Variants in RPTOR observed in about 807,000 individuals in gnomAD.
The protein encoded by RPTOR is regulatory associated protein of MTOR complex 1, also known as regulatory-associated protein of mTOR.
In RPTOR, 21 loss-of-function variants were observed where a neutral mutation model predicts 169.9. That is an observed-to-expected ratio of 0.12 (90% CI 0.09 to 0.18). The LOEUF is 0.18. RPTOR is among the 10% of genes least tolerant of loss of function. RPTOR has a pLI of 1.00. For synonymous variants in RPTOR, 732 were observed against 753.2 expected (o/e 0.97, Z 0.46); for missense variants, 1,133 against 1,855.9 (o/e 0.61, Z 7.16).
At position 80,668,186 on chromosome 17, in the gene RPTOR, G is replaced by C. The variant is rs989504963; in HGVS notation, c.348+24376G>C. On this transcript the variant is annotated intron_variant, in intron 3 of 33. Transcript: ENST00000306801. ...GGAGAGGCAGGTTGGGCCTCCACTA[G>C]ACAAAGTTTATCCTAGTGAGTTCTT... Among the ~76,000 whole-genome samples, 10 of 152,172 alleles carry C rather than the reference G, an allele frequency of 6.6e-5. No individual in the cohort carries two copies. The East Asian group carries it at 1.9e-3, about 29-fold the overall frequency.
At chr17:80,916,587 T>G (rs1462047542) in intron 21 of RPTOR, among the ~76,000 whole-genome samples, 3 of 152,102 alleles carry the variant, frequency 2.0e-5, no homozygotes, top group Non-Finnish European at 2.9e-5. Context: ...TGGGTCCAAG[T>G]AAAAACTCGG....
chr17:80,795,282 T>C (rs1326507011), intron 7 of RPTOR, among the ~76,000 whole-genome samples: 1 of 152,168 alleles, frequency 6.6e-6, no homozygotes, highest in Non-Finnish European at 1.5e-5. Flanking sequence ...TAAAATGGGA[T>C]TGAGTGAGGA....
chr17:80,805,460 T>G (rs2143553402), intron 7 of RPTOR: 1 of 152,342 alleles, frequency 6.6e-6, no homozygotes, highest in East Asian at 1.9e-4. Flanking sequence ...TAGGAGCTGC[T>G]TTTCTCGATG....
At chr17:80,553,342 T>C (rs1207004331) in intron 1 of RPTOR, among the ~76,000 whole-genome samples, 3 of 152,198 alleles carry the variant, frequency 2.0e-5, no homozygotes, top group Non-Finnish European at 4.4e-5. Flanking sequence ...CGCCTCTGGA[T>C]GTTGAGGCCT....
intron 1 of RPTOR, among the ~76,000 whole-genome samples, chr17:80,590,869 T>G (rs1449022857): frequency 1.3e-5 from 2 of 152,200 alleles, no homozygotes; most frequent in African/African-American, 2.4e-5. Flanking sequence ...TGCCTCTGGC[T>G]TTTAGCAAGA....
chr17:80,700,654 A>G (rs1361061004), intron 3 of RPTOR, among the ~76,000 whole-genome samples: 36 of 78,938 alleles, frequency 4.6e-4, no homozygotes, highest in Middle Eastern at 0.013. Context: ...TGGTGATGGT[A>G]GAGATGATGG....
At chr17:80,637,628 GTGGCAGCAGAGTGCGGA>G (rs987373820) in intron 2 of RPTOR, among the ~76,000 whole-genome samples, 3 of 152,248 alleles carry the variant, frequency 2.0e-5, no homozygotes, top group Non-Finnish European at 4.4e-5. Context: ...GAACTCTGCT[GTGGCAGCAGAGTGCGGA>G]TGAGCTGCAT....
chr17:80,720,663 C>G (rs1189507876), intron 4 of RPTOR, among the ~76,000 whole-genome samples: 15 of 152,230 alleles, frequency 9.9e-5, no homozygotes, highest in Admixed American at 9.8e-4. Flanking sequence ...GCACTGACTT[C>G]GCGGGTGCCC....
intron 12 of RPTOR, among the ~76,000 whole-genome samples, chr17:80,856,634 C>T (rs1183809279): frequency 6.6e-6 from 1 of 152,132 alleles, no homozygotes; most frequent in African/African-American, 2.4e-5. Flanking sequence ...CCTGAGTCAT[C>T]GGAGGAAGGC....
chr17:80,627,886 G>A (rs2065408408), intron 2 of RPTOR, among the ~76,000 whole-genome samples: 1 of 148,454 alleles, frequency 6.7e-6, no homozygotes, highest in African/African-American at 2.5e-5. Context: ...TGCCCAGGCT[G>A]GGAGTGCAAT....
chr17:80,856,462 G>T (rs2067853097), intron 12 of RPTOR, among the ~76,000 whole-genome samples: 1 of 152,204 alleles, frequency 6.6e-6, no homozygotes, highest in South Asian at 2.1e-4. Flanking sequence ...GTGTATTTAA[G>T]TATTTTCATC....
chr17:80,554,769 A>AAAACAAAC (rs1555713031), intron 1 of RPTOR, among the ~76,000 whole-genome samples: 8,514 of 148,654 alleles, frequency 0.057, 272 homozygotes, highest in Non-Finnish European at 0.079. Context: ...AAAACAAAAC[A>AAAACAAAC]AACAACAACA....
chr17:80,827,723 A>G (rs1331289237), intron 9 of RPTOR, among the ~76,000 whole-genome samples: 2 of 152,142 alleles, frequency 1.3e-5, no homozygotes, highest in African/African-American at 4.8e-5. Flanking sequence ...CAATCTGACC[A>G]CAGCTCCCCT....
chr17:80,639,094 G>A (rs2143584244), intron 2 of RPTOR, among the ~76,000 whole-genome samples: 1 of 152,136 alleles, frequency 6.6e-6, no homozygotes, highest in South Asian at 2.1e-4. Flanking sequence ...AGACAGGGAT[G>A]GCATTATGGT....
At chr17:80,727,618 C>T (rs183873044) in intron 4 of RPTOR, among the ~76,000 whole-genome samples, 1 of 152,356 alleles carries the variant, frequency 6.6e-6, no homozygotes, top group East Asian at 1.9e-4. Context: ...GACCATGTCG[C>T]GCTGGCCAGA....
At chr17:80,682,899 C>T (rs1020332180) in intron 3 of RPTOR, among the ~76,000 whole-genome samples, 1 of 152,082 alleles carries the variant, frequency 6.6e-6, no homozygotes, top group Admixed American at 6.5e-5. Context: ...CTCCTGGGCT[C>T]AAGTGATTCT....
rs764249284 is a variant in RPTOR, at chr17:80,945,709, C to T, written c.3068C>T (p.Pro1023Leu). The change falls in exon 26 of 34, where the codon CCC becomes CTC. Residue 1023 changes from proline (P) to leucine (L), a missense_variant. Physicochemically the swap from Pro to Leu is moderately conservative, Grantham distance 98. Transcript: ENST00000306801. ...GACCAAATATTTCTGAACAGGAACC[C>T]CGGCGTCCCCTCTGTGGTGAAATTC... ...LDDQIFLNRN[P>L]GVPSVVKFHP... 3 of 1,611,872 alleles carry T rather than the reference C, an allele frequency of 1.9e-6. No individual in the cohort carries two copies. The highest frequency in any genetic ancestry group is 1.7e-6 in the Non-Finnish European group (2 of 1,179,320).
intron 7 of RPTOR, among the ~76,000 whole-genome samples, chr17:80,806,109 T>A (rs2067216204): frequency 1.3e-5 from 2 of 152,184 alleles, no homozygotes; most frequent in Non-Finnish European, 2.9e-5. Flanking sequence ...AAGCCGCCTC[T>A]GGTGGTTTTT....
intron 3 of RPTOR, among the ~76,000 whole-genome samples, chr17:80,677,302 A>G (rs1200297105): frequency 6.6e-6 from 1 of 152,168 alleles, no homozygotes; most frequent in Admixed American, 6.5e-5. Flanking sequence ...AAGTGCAGTA[A>G]AGAAAGTGTA....
Sources: gnomAD v4.1 joint callset for allele counts (sites outside exome capture counted in the v4.1 genomes callset) on GRCh38, gnomAD v4.1.1 for gene constraint, MANE v1.5 for transcripts, NCBI Gene and HGNC (gene_info 2026-07-23, HGNC 2026-07-21) for gene names.